The following GPC5 variants were observed in gnomAD, a reference collection of about 807,000 sequenced individuals.
GPC5 encodes glypican 5, also known as glypican-5.
A neutral mutation model predicts 53.9 loss-of-function variants in GPC5; 47 were observed. That is an observed-to-expected ratio of 0.87 (90% CI 0.69 to 1.11). GPC5 has a LOEUF of 1.11. Among genes scored for constraint, GPC5 ranks in the 50% most tolerant of loss-of-function variants. The probability of loss-of-function intolerance (pLI) is 0.00; values close to 1 mark genes in which losing one functional copy is unlikely to be tolerated. For synonymous variants in GPC5, 286 were observed against 263.3 expected, an observed-to-expected ratio of 1.09 and a Z score of -0.84; for missense variants, 748 against 713.1, an observed-to-expected ratio of 1.05 and a Z score of -0.56.
intron 7 of GPC5, among the ~76,000 whole-genome samples, chr13:92,221,669 C>G (rs1017001445): frequency 6.6e-6 from 1 of 152,102 alleles, no homozygotes; most frequent in African/African-American, 2.4e-5. Flanking sequence ...CAAACCTTTT[C>G]TGCTTATTCT....
chr13:91,488,776 T>G (rs960097542), intron 2 of GPC5, among the ~76,000 whole-genome samples: 7 of 152,220 alleles, frequency 4.6e-5, no homozygotes, highest in Middle Eastern at 3.2e-3. Flanking sequence ...ACAAGAGAGA[T>G]AACCGTAAAC....
intron 2 of GPC5, among the ~76,000 whole-genome samples, chr13:91,580,217 T>A (rs1001153186): frequency 3.3e-5 from 5 of 151,932 alleles, no homozygotes; most frequent in Non-Finnish European, 1.5e-5. Flanking sequence ...TGCCTGGCTA[T>A]TTCTTTGTAT....
chr13:91,581,704 A>G (rs1359035522), intron 2 of GPC5, among the ~76,000 whole-genome samples: 1 of 152,216 alleles, frequency 6.6e-6, no homozygotes, highest in Non-Finnish European at 1.5e-5. Context: ...TAAATTATCA[A>G]TGCAGGGTTT....
intron 5 of GPC5, among the ~76,000 whole-genome samples, chr13:91,801,162 A>G (rs1220334144): frequency 6.6e-6 from 1 of 151,972 alleles, no homozygotes; most frequent in African/African-American, 2.4e-5. Context: ...GTAAGAAAGC[A>G]TTTGTTTAAT....
At chr13:92,649,488 A>G (rs765834933) in intron 7 of GPC5, among the ~76,000 whole-genome samples, 2 of 152,178 alleles carry the variant, frequency 1.3e-5, no homozygotes, top group African/African-American at 2.4e-5. Context: ...TTCAAATCAT[A>G]ATGCATAAAC....
chr13:92,204,787 A>G (rs990080249), intron 7 of GPC5, among the ~76,000 whole-genome samples: 1 of 152,222 alleles, frequency 6.6e-6, no homozygotes, highest in East Asian at 1.9e-4. Flanking sequence ...TCTGGCAACA[A>G]TGTGTGACAA....
intron 1 of GPC5, among the ~76,000 whole-genome samples, chr13:91,422,687 C>T (rs537810527): frequency 5.9e-5 from 9 of 151,784 alleles, no homozygotes; most frequent in Non-Finnish European, 1.3e-4. Context: ...GCTGGGAAGT[C>T]AGCTTGAGGG....
intron 7 of GPC5, among the ~76,000 whole-genome samples, chr13:92,564,864 T>A: frequency 6.6e-6 from 1 of 152,036 alleles, no homozygotes; most frequent in East Asian, 1.9e-4. Flanking sequence ...TCAGATCGAG[T>A]TGGTTTAAAT....
At chr13:92,032,718 C>T (rs1481718324) in intron 6 of GPC5, among the ~76,000 whole-genome samples, 2 of 151,984 alleles carry the variant, frequency 1.3e-5, no homozygotes, top group African/African-American at 4.8e-5. Context: ...AATTCAATGC[C>T]CTCTCTGTCC....
intron 7 of GPC5, among the ~76,000 whole-genome samples, chr13:92,520,323 C>T (rs1243084942): frequency 6.6e-6 from 1 of 151,924 alleles, no homozygotes; most frequent in African/African-American, 2.4e-5. Flanking sequence ...AGAGACACAA[C>T]AAAAAAAGAG....
At chr13:92,145,390 G>A (rs1273020021) in intron 7 of GPC5, among the ~76,000 whole-genome samples, 1 of 151,752 alleles carries the variant, frequency 6.6e-6, no homozygotes, top group East Asian at 1.9e-4. Flanking sequence ...TTACTTTATT[G>A]CACTTCTATC....
At chr13:92,213,366 G>A (rs1455800348) in intron 7 of GPC5, among the ~76,000 whole-genome samples, 1 of 152,088 alleles carries the variant, frequency 6.6e-6, no homozygotes, top group Non-Finnish European at 1.5e-5. Context: ...GCAGTGACTA[G>A]AAGGACAGCC....
chr13:92,044,595 G>A (rs749229454), intron 6 of GPC5, among the ~76,000 whole-genome samples: 3 of 152,182 alleles, frequency 2.0e-5, no homozygotes, highest in East Asian at 1.9e-4. Flanking sequence ...ACATAAAACC[G>A]GGCAGCAAGT....
chr13:91,517,129 C>T (rs148882201), intron 2 of GPC5, among the ~76,000 whole-genome samples: 1 of 152,168 alleles, frequency 6.6e-6, no homozygotes, highest in Admixed American at 6.5e-5. Context: ...TAAGATTAGG[C>T]TCCTTGCTAC....
intron 3 of GPC5, among the ~76,000 whole-genome samples, chr13:91,721,354 C>T (rs1479080368): frequency 2.6e-5 from 4 of 152,048 alleles, no homozygotes; most frequent in African/African-American, 7.2e-5. Context: ...AGGCTGGTGT[C>T]GAACTCCTGA....
At chr13:92,411,925 G>A (rs1876060405) in intron 7 of GPC5, among the ~76,000 whole-genome samples, 2 of 152,062 alleles carry the variant, frequency 1.3e-5, no homozygotes, top group Admixed American at 1.3e-4. Flanking sequence ...GTCATTAAAC[G>A]TATTAAAAGT....
chr13:92,761,063 G>T lies in GPC5; in HGVS notation c.1562-105219G>T, dbSNP rs138130006. On this transcript the variant is annotated intron_variant, in intron 7 of 7. Coordinates refer to ENST00000377067, the MANE Select transcript of GPC5 (RefSeq NM_004466.6). ...TAAATTATATAAGGGTTGTTTTGCG[G>T]CCTACCAAGTGGTCTATCTTGTTTT... 5.3e-5 allele frequency among the ~76,000 whole-genome samples: 8 copies of T among 152,144 alleles called. No homozygotes were observed. The East Asian group carries it at 1.5e-3, about 29-fold the overall frequency.
intron 7 of GPC5, among the ~76,000 whole-genome samples, chr13:92,750,864 T>C (rs1336815651): frequency 1.3e-5 from 2 of 152,192 alleles, no homozygotes; most frequent in Admixed American, 1.3e-4. Flanking sequence ...TAGTCAAGTA[T>C]GATATGTATG....
chr13:91,931,137 A>G (rs2039817946), intron 6 of GPC5, among the ~76,000 whole-genome samples: 1 of 151,900 alleles, frequency 6.6e-6, no homozygotes, highest in South Asian at 2.1e-4. Context: ...ATTGTTTTCC[A>G]TCATTCTTTC....
Sources: gnomAD v4.1 joint callset for allele counts (sites outside exome capture counted in the v4.1 genomes callset) on GRCh38, gnomAD v4.1.1 for gene constraint, MANE v1.5 for transcripts, NCBI Gene and HGNC (gene_info 2026-07-23, HGNC 2026-07-21) for gene names.